The following HMGCL variants were observed in gnomAD, a reference collection of about 807,000 sequenced individuals.
The protein encoded by HMGCL is hydroxymethylglutaryl-CoA lyase, mitochondrial.
A neutral mutation model predicts 37.3 loss-of-function variants in HMGCL; 26 were observed. That is an observed-to-expected ratio of 0.70 (90% CI 0.51 to 0.97). The LOEUF is 0.97. Among genes scored for constraint, HMGCL ranks in the 50% least tolerant of loss-of-function variants. The pLI, the probability that HMGCL is intolerant of heterozygous loss-of-function variation, is 0.00. For synonymous variants in HMGCL, 151 were observed against 148.0 expected, an observed-to-expected ratio of 1.02 and a Z score of -0.15; for missense variants, 379 against 398.1, an observed-to-expected ratio of 0.95 and a Z score of 0.41.
At chr1:23,811,611 A>C (rs1231453596) in intron 5 of HMGCL, among the ~76,000 whole-genome samples, 1 of 152,194 alleles carries the variant, frequency 6.6e-6, no homozygotes, top group African/African-American at 2.4e-5. Flanking sequence ...GGCAGAGGGA[A>C]GACCTGGGCA....
rs1384213898 is a variant in HMGCL at position 23,817,582 on chromosome 1, T to C, written c.146A>G (p.Asn49Ser). The change falls in exon 3 of 9, where the codon AAT becomes AGT. Residue 49 changes from asparagine to serine, a missense_variant and splice_region_variant. Asn to Ser is a conservative substitution (Grantham distance 46, BLOSUM62 1). Transcript: ENST00000374490. ...GATTTTCACTGGAGTAGATACGATATTCTATAGTGGAGAGAGAAACACCAA... is the reference window on the plus strand; with the variant it reads ...GATTTTCACTGGAGTAGATACGATACTCTATAGTGGAGAGAGAAACACCAA... ...GPRDGLQNEK[N>S]IVSTPVKIKL... is the part of the protein sequence containing the mutation. 2 of 1,589,458 alleles carry C rather than the reference T, an allele frequency of 1.3e-6. No homozygotes were observed. Among genetic ancestry groups the C allele is most frequent in the Non-Finnish European group, 1.7e-6 (2 of 1,157,878 alleles).
chr1:23,810,586 T>A (rs960605411), intron 6 of HMGCL, 150 bp downstream of exon 6: 3 of 712,620 alleles, frequency 4.2e-6, no homozygotes, highest in Non-Finnish European at 7.7e-6. Context: ...AGTGCAGGGC[T>A]GTGCTCACAG....
chr1:23,806,728 G>C lies in HMGCL; in HGVS notation c.750+1407C>G. The C allele has an allele frequency of 5.7e-6, 2 of 352,014 alleles. No homozygotes were observed. The highest frequency in any genetic ancestry group is 1.5e-4 in the East Asian group (2 of 13,470). 21.8% of individuals were successfully genotyped at this position (352,014 alleles called of 1,614,324 possible). A position where few individuals can be genotyped will look rare whatever the true frequency, so the allele number is the denominator to read the frequency against. On this transcript the variant is annotated intron_variant, in intron 7 of 8. Coordinates refer to ENST00000374490, the MANE Select transcript of HMGCL (RefSeq NM_000191.3). The surrounding 1 kb of genome is among the most constrained non-coding windows in gnomAD (Gnocchi z 4.0). ...TAGTACTAGAGTGTCAGCCTCATGA[G>C]GGCAGAGACTCTGTTTTGGTCACAG...
chr1:23,803,575 A>T (rs765515667), intron 8 of HMGCL: 1 of 152,280 alleles, frequency 6.6e-6, no homozygotes, highest in Non-Finnish European at 1.5e-5. Context: ...ACCTCAGGTG[A>T]TCCACCCGCC....
Position 23,816,978 on chromosome 1 carries a change from C to A in HMGCL, c.253-208G>T, listed in dbSNP as rs1276470331. 2.6e-5 allele frequency among the ~76,000 whole-genome samples: 4 copies of A among 152,192 alleles called. No homozygotes were observed. In the East Asian group the frequency reaches 7.7e-4, roughly 29 times the overall value. On this transcript the variant is annotated intron_variant, in intron 3 of 8. Coordinates refer to ENST00000374490, the MANE Select transcript of HMGCL (RefSeq NM_000191.3). ...CTTGGTTTGGCTGAGATCCCAATTT[C>A]TCCATATGGCCCATACTGCCAGCTT... is the stretch of plus-strand genomic sequence containing the variant.
rs1467902610 is a variant in HMGCL at position 23,820,529 on chromosome 1, T to C, written c.125A>G (p.Asp42Gly). 2.5e-6 allele frequency: 4 copies of C among 1,613,798 alleles called. No homozygotes were observed. The highest frequency in any genetic ancestry group is 2.2e-5 in the East Asian group (1 of 44,898). Residue 42 changes from aspartate (D) to glycine (G), a missense_variant, in exon 2 of 9, where the codon GAT (aspartate) becomes GGT (glycine). Asp to Gly is a moderately conservative substitution (Grantham distance 94, BLOSUM62 -1). Coordinates refer to ENST00000374490, the MANE Select transcript of HMGCL (RefSeq NM_000191.3). ...RVKIVEVGPR[D>G]GLQNEKNIVS... is the part of the protein sequence containing the mutation. The stretch of plus-strand genomic sequence containing the variant: ...CTTTACCTTTTCATTTTGTAGTCCA[T>C]CTCGGGGACCAACTTCCACAATTTT...
In HMGCL at chr1:23,802,373, C is replaced by A. The variant is rs566105158; in HGVS notation, c.*90G>T. ...GCTATGAGGTACCTGCACCATTTAACCTATTCTCATTTCCATGTCCCCATC... is the reference window on the plus strand; with the variant it reads ...GCTATGAGGTACCTGCACCATTTAAACTATTCTCATTTCCATGTCCCCATC... On this transcript the variant is annotated 3_prime_UTR_variant, in exon 9 of 9. Coordinates refer to ENST00000374490, the MANE Select transcript of HMGCL (RefSeq NM_000191.3). 2.0e-5 allele frequency: 17 copies of A among 864,702 alleles called. No homozygotes were observed. The South Asian group carries it at 2.2e-4, about 11-fold the overall frequency. 53.6% of individuals were successfully genotyped at this position (864,702 alleles called of 1,614,324 possible). A position where few individuals can be genotyped will look rare whatever the true frequency, so the allele number is the denominator to read the frequency against.
intron 1 of HMGCL, 86 bp from the exon 2 acceptor site, chr1:23,820,679 T>A (rs1379926595): frequency 1.2e-6 from 1 of 861,084 alleles, no homozygotes; most frequent in Non-Finnish European, 2.0e-6. Flanking sequence ...TGGATCTATC[T>A]TCACTAATAA....
chr1:23,823,597 C>T (rs779885545), intron 1 of HMGCL, among the ~76,000 whole-genome samples: 2 of 152,122 alleles, frequency 1.3e-5, no homozygotes, highest in Non-Finnish European at 2.9e-5. Flanking sequence ...AAGTGATCCA[C>T]CCACCTCAGC....
chr1:23,808,361 C>T (rs774768634), intron 6 of HMGCL, 38 bp from the exon 7 acceptor site: 1 of 1,574,988 alleles, frequency 6.3e-7, no homozygotes, highest in Non-Finnish European at 8.7e-7. Context: ...ATACAGAATC[C>T]ACCAGCCAGG....
chr1:23,804,884 C>G (rs866483753), intron 7 of HMGCL, among the ~76,000 whole-genome samples: 3 of 129,164 alleles, frequency 2.3e-5, no homozygotes, highest in South Asian at 3.2e-4. Flanking sequence ...TTACCCCCCC[C>G]CCACTTACCC....
At chr1:23,814,123 T>C in intron 5 of HMGCL, 67 bp downstream of exon 5, 2 of 1,573,756 alleles carry the variant, frequency 1.3e-6, no homozygotes, top group Admixed American at 1.7e-5. Context: ...GGAGGACCAC[T>C]TGAGTCAGAG....
At chr1:23,822,029 A>G (rs1638731603) in intron 1 of HMGCL, among the ~76,000 whole-genome samples, 1 of 152,206 alleles carries the variant, frequency 6.6e-6, no homozygotes, top group African/African-American at 2.4e-5. Context: ...TGTCTCTTCC[A>G]GTAGAACATA....
At chr1:23,813,467 C>A (rs554821672) in intron 5 of HMGCL, among the ~76,000 whole-genome samples, 1 of 151,986 alleles carries the variant, frequency 6.6e-6, no homozygotes, top group South Asian at 2.1e-4. Flanking sequence ...GGGGTTTCAC[C>A]ATGTCGGCCA....
rs11551767 is a variant in HMGCL at position 23,814,285 on chromosome 1, G to A, written c.402C>T (p.Phe134=). Residue 134 remains phenylalanine (F), a synonymous_variant, in exon 5 of 9, where the codon TTC becomes TTT. Transcript: ENST00000374490. The part of the protein sequence containing the change: ...VVIFGAASEL[F]TKKNINCSIE... ...TGGAACAATTGATGTTCTTCTTGGT[G>A]AAGAGCTCTGAGGCAGCTCCAAAGA... 3 of 1,613,870 alleles carry A rather than the reference G, an allele frequency of 1.9e-6. No homozygotes were observed. The highest frequency in any genetic ancestry group is 2.5e-6 in the Non-Finnish European group (3 of 1,179,950).
At chr1:23,812,708 C>T (rs1638540320) in intron 5 of HMGCL, among the ~76,000 whole-genome samples, 2 of 152,140 alleles carry the variant, frequency 1.3e-5, no homozygotes. Context: ...TCCAGTTGGG[C>T]TGGAGTGTAC....
chr1:23,808,677 T>C (rs1392012693), intron 6 of HMGCL, among the ~76,000 whole-genome samples: 1 of 152,048 alleles, frequency 6.6e-6, no homozygotes, highest in Non-Finnish European at 1.5e-5. Context: ...TCCTTCCATG[T>C]CGTTTTATCC....
At chr1:23,821,658 CA>C (rs146953960) in intron 1 of HMGCL, among the ~76,000 whole-genome samples, 22 of 143,930 alleles carry the variant, frequency 1.5e-4, no homozygotes, top group Admixed American at 4.2e-4. Flanking sequence ...GACCCTGTCT[CA>C]AAAAAAAAAA....
intron 6 of HMGCL, chr1:23,810,204 T>G (rs1271153450): frequency 1.2e-5 from 2 of 170,532 alleles, no homozygotes. Flanking sequence ...TGGGGTTTGA[T>G]ACCTGATTTC....
Sources: allele counts gnomAD v4.1 joint callset (sites outside exome capture counted in the v4.1 genomes callset), GRCh38; gene constraint gnomAD v4.1.1; non-coding constraint Gnocchi (gnomAD v3.1); transcripts MANE v1.5; gene names NCBI Gene and HGNC (gene_info 2026-07-23, HGNC 2026-07-21).